GRIK1: variants seen among roughly 807,000 people sequenced by gnomAD.
GRIK1 encodes the protein glutamate receptor ionotropic, kainate 1.
A neutral mutation model predicts 105.7 loss-of-function variants in GRIK1; 69 were observed. The observed-to-expected ratio is 0.65, with a 90% CI of 0.54 to 0.80. GRIK1 has a LOEUF of 0.80. GRIK1 is among the 30% of genes least tolerant of loss of function. The pLI, the probability that GRIK1 is intolerant of heterozygous loss-of-function variation, is 0.00. For synonymous variants in GRIK1, 438 were observed against 431.3 expected (o/e 1.02, Z -0.19); for missense variants, 1,109 against 1,167.3 (o/e 0.95, Z 0.73).
Position 29,741,621 on chromosome 21 carries a change from T to C in GRIK1, c.119-47558A>G, listed in dbSNP as rs73897816. On this transcript the variant is annotated intron_variant, in intron 1 of 17. Coordinates refer to ENST00000327783, the MANE Select transcript of GRIK1 (RefSeq NM_001330994.2). ...AAATTTCAACAGCCTACATTCCTAC[T>C]AGAAGACACATATTTCTTGAAGGAT... Among the ~76,000 whole-genome samples, 262 of 152,366 alleles carry C rather than the reference T, an allele frequency of 1.7e-3. 1 individual carries two copies. Among genetic ancestry groups the C allele is most frequent in the African/African-American group, 6.0e-3 (248 of 41,592 alleles).
In GRIK1 at chr21:29,596,537, C is replaced by A; in HGVS notation, c.1240G>T (p.Val414Leu). The A allele has an allele frequency of 3.7e-6, 6 of 1,609,562 alleles. No homozygotes were observed. In the South Asian group the frequency reaches 5.5e-5, roughly 15 times the overall value. The change falls in exon 9 of 18, where the codon GTG becomes TTG. Residue 414 changes from valine to leucine, a missense_variant. Physicochemically the swap from Val to Leu is conservative, Grantham distance 32. Around this residue, in one of 5 missense-constraint regions of GRIK1, gnomAD observed 612 missense variants for 586.0 expected, o/e 1.04. Transcript: ENST00000327783. ...AGEVSKHLYKVWKKIGIWNSN... is the reference protein window; with the variant it reads ...AGEVSKHLYKLWKKIGIWNSN... The stretch of plus-strand genomic sequence containing the variant: ...GTCAGAGTACAAACCTTCTTCCACA[C>A]TTTATACAAGTGTTTAGACACTTCG...
intron 1 of GRIK1, among the ~76,000 whole-genome samples, chr21:29,807,103 A>T (rs2066883169): frequency 1.3e-5 from 2 of 152,170 alleles, no homozygotes; most frequent in Admixed American, 6.6e-5. Flanking sequence ...ACAGCAGAAC[A>T]GTGTGTTCAC....
chr21:29,558,996 T>C (rs1418790703), intron 15 of GRIK1, among the ~76,000 whole-genome samples: 1 of 152,150 alleles, frequency 6.6e-6, no homozygotes, highest in Admixed American at 6.6e-5. Flanking sequence ...CACATTGTTA[T>C]TTTAAATCAT....
intron 1 of GRIK1, among the ~76,000 whole-genome samples, chr21:29,790,599 G>A (rs753410061): frequency 6.6e-6 from 1 of 151,974 alleles, no homozygotes; most frequent in Non-Finnish European, 1.5e-5. Context: ...GGGGCTACAG[G>A]CGTGCACCAC....
chr21:29,869,307 C>T (rs555260148), intron 1 of GRIK1, among the ~76,000 whole-genome samples: 54 of 152,264 alleles, frequency 3.5e-4, no homozygotes, highest in African/African-American at 1.1e-3. Context: ...ATTATGCAAC[C>T]GGGACCTAAA....
chr21:29,892,387 A>T (rs1569195588), intron 1 of GRIK1, among the ~76,000 whole-genome samples: 1 of 152,214 alleles, frequency 6.6e-6, no homozygotes. Flanking sequence ...GGCAGTGAGG[A>T]GATGTTTCTA....
chr21:29,771,773 A>C (rs373879965), intron 1 of GRIK1, among the ~76,000 whole-genome samples: 1 of 152,250 alleles, frequency 6.6e-6, no homozygotes, highest in East Asian at 1.9e-4. Flanking sequence ...TGGCTATACC[A>C]GTAGTGAAAA....
intron 1 of GRIK1, 105 bp downstream of exon 1, chr21:29,939,278 C>T: frequency 1.5e-6 from 1 of 685,424 alleles, no homozygotes; most frequent in Non-Finnish European, 2.6e-6. Flanking sequence ...TTCCCCAGCT[C>T]CGGCTCCTGC....
intron 7 of GRIK1, among the ~76,000 whole-genome samples, chr21:29,628,276 C>T (rs997823880): frequency 9.2e-5 from 14 of 152,108 alleles, no homozygotes; most frequent in Admixed American, 7.2e-4. Flanking sequence ...ACCTTTAGAC[C>T]ACACAACTTC....
At chr21:29,730,183 C>T (rs1053590515) in intron 1 of GRIK1, among the ~76,000 whole-genome samples, 1 of 152,158 alleles carries the variant, frequency 6.6e-6, no homozygotes, top group Non-Finnish European at 1.5e-5. Context: ...CTACAAAGTA[C>T]ATAATTGCGG....
At chr21:29,709,552 T>C (rs2063996301) in intron 1 of GRIK1, among the ~76,000 whole-genome samples, 1 of 152,106 alleles carries the variant, frequency 6.6e-6, no homozygotes, top group Non-Finnish European at 1.5e-5. Flanking sequence ...CATTGGAATT[T>C]TGTTGAGAAT....
At chr21:29,649,656 A>G (rs754928727) in intron 6 of GRIK1, among the ~76,000 whole-genome samples, 6 of 152,208 alleles carry the variant, frequency 3.9e-5, no homozygotes, top group Non-Finnish European at 8.8e-5. Context: ...TTCAGTCAAT[A>G]TGTACAAACT....
chr21:29,841,366 T>C lies in GRIK1; in HGVS notation c.118+98017A>G, dbSNP rs567534456. Among the ~76,000 whole-genome samples, 10 of 152,292 alleles carry C rather than the reference T, an allele frequency of 6.6e-5. No homozygotes were observed. In the South Asian group the frequency reaches 1.9e-3, roughly 28 times the overall value. On this transcript the variant is annotated intron_variant, in intron 1 of 17. Transcript: ENST00000327783. ...GCAAACACTGCAAATTTAGATCCCATGGCAGAGATTTTTGAACACTTTATA... is the reference window on the plus strand; with the variant it reads ...GCAAACACTGCAAATTTAGATCCCACGGCAGAGATTTTTGAACACTTTATA...
chr21:29,856,869 C>G (rs469231), intron 1 of GRIK1, among the ~76,000 whole-genome samples: 50,964 of 151,776 alleles, frequency 0.34, 9,573 homozygotes, highest in African/African-American at 0.51. Flanking sequence ...ATTTTAGGCA[C>G]CACAAAGTCG....
chr21:29,828,002 T>TCC (rs1491145446), intron 1 of GRIK1, among the ~76,000 whole-genome samples: 4 of 63,860 alleles, frequency 6.3e-5, no homozygotes, highest in African/African-American at 1.5e-4. Context: ...TCTCTCTCTC[T>TCC]GTCTCTCTCT....
chr21:29,774,363 T>A (rs2065888952), intron 1 of GRIK1, among the ~76,000 whole-genome samples: 3 of 151,914 alleles, frequency 2.0e-5, no homozygotes, highest in Admixed American at 2.0e-4. Context: ...TGAGAGTATA[T>A]CACAGTTGGA....
chr21:29,780,154 A>C (rs1391265321), intron 1 of GRIK1, among the ~76,000 whole-genome samples: 7 of 152,214 alleles, frequency 4.6e-5, no homozygotes, highest in African/African-American at 1.7e-4. Flanking sequence ...TACTGTAGCT[A>C]ATTGGATGCC....
chr21:29,701,769 G>A (rs2063817142), intron 1 of GRIK1, among the ~76,000 whole-genome samples: 1 of 152,214 alleles, frequency 6.6e-6, no homozygotes, highest in South Asian at 2.1e-4. Context: ...TAATCCAGGT[G>A]AGAGATGATG....
chr21:29,620,891 G>A (rs1194631420), intron 7 of GRIK1, among the ~76,000 whole-genome samples: 4 of 136,480 alleles, frequency 2.9e-5, no homozygotes, highest in African/African-American at 8.3e-5. Context: ...AGCAATGTGT[G>A]ATATATATCA....
Sources: gnomAD v4.1 joint callset for allele counts (sites outside exome capture counted in the v4.1 genomes callset) on GRCh38, gnomAD v4.1.1 for gene constraint, gnomAD v4.1.1 regional missense constraint, MANE v1.5 for transcripts, NCBI Gene and HGNC (gene_info 2026-07-23, HGNC 2026-07-21) for gene names.